Variants in HMGN1 observed in about 807,000 individuals in gnomAD.
HMGN1 encodes the protein high mobility group nucleosome binding domain 1.
Under a neutral mutation model 18.4 loss-of-function variants are expected in HMGN1, and 9 were observed. The observed-to-expected ratio is 0.49, with a 90% CI of 0.29 to 0.85. The LOEUF is 0.85. Among genes scored for constraint, HMGN1 ranks in the 40% least tolerant of loss-of-function variants. The pLI is 0.07. For missense variants in HMGN1, 151 were observed against 119.2 expected (o/e 1.27, Z -1.24); for synonymous variants, 59 against 45.0 (o/e 1.31, Z -1.24).
intron 4 of HMGN1, 57 bp from the exon 5 acceptor site, chr21:39,345,331 G>C (rs1257910144): frequency 6.4e-7 from 1 of 1,554,210 alleles, no homozygotes; most frequent in Non-Finnish European, 8.8e-7. Context: ...TTTACATTTT[G>C]TTTTACTTTT....
At chr21:39,348,005 C>G in intron 4 of HMGN1, 1 of 1,201,560 alleles carries the variant, frequency 8.3e-7, no homozygotes, top group Non-Finnish European at 1.1e-6. Flanking sequence ...CAAGCACCAG[C>G]CACAATGTAC....
chr21:39,348,620 C>T (rs2037153831), intron 1 of HMGN1, 43 bp from the exon 2 acceptor site: 1 of 1,539,032 alleles, frequency 6.5e-7, no homozygotes, highest in Non-Finnish European at 8.7e-7. Context: ...GCCGCAGTCC[C>T]AGGACTCGCG....
Position 39,343,108 on chromosome 21 carries a change from G to A in HMGN1, c.*4C>T, listed in dbSNP as rs754401175. 3.3e-6 allele frequency: 5 copies of A among 1,533,826 alleles called. No homozygotes were observed. In the East Asian group the frequency reaches 1.1e-4, roughly 35 times the overall value. ...GACCACTGATAAGACATGGTATATGGTTATTAATCAGACTTGGCTTCTTTC... is the reference window on the plus strand; with the variant it reads ...GACCACTGATAAGACATGGTATATGATTATTAATCAGACTTGGCTTCTTTC... On this transcript the variant is annotated 3_prime_UTR_variant, in exon 6 of 6. Transcript: ENST00000380749.
intron 4 of HMGN1, chr21:39,347,809 G>T: frequency 2.8e-6 from 1 of 351,440 alleles, no homozygotes; most frequent in South Asian, 4.3e-5. Context: ...CAGAGTAGTG[G>T]CGGTTATTTT....
chr21:39,343,398 C>T (rs2036932468), intron 5 of HMGN1, among the ~76,000 whole-genome samples: 2 of 152,306 alleles, frequency 1.3e-5, no homozygotes, highest in South Asian at 2.1e-4. Flanking sequence ...ATCACATGTA[C>T]ACTCCAAGCT....
At chr21:39,347,229 A>C (rs1307195071) in intron 4 of HMGN1, 1 of 547,722 alleles carries the variant, frequency 1.8e-6, no homozygotes, top group African/African-American at 2.0e-5. Flanking sequence ...TTAAAGTTGA[A>C]AAATACTATT....
intron 4 of HMGN1, chr21:39,347,372 T>C (rs1323962418): frequency 2.6e-6 from 3 of 1,153,622 alleles, no homozygotes; most frequent in Non-Finnish European, 3.4e-6. Flanking sequence ...ACATCTTTGT[T>C]TTATACCTTT....
chr21:39,347,356 G>A (rs1014846819), intron 4 of HMGN1: 49 of 1,077,644 alleles, frequency 4.5e-5, no homozygotes, highest in Non-Finnish European at 9.5e-6. Context: ...AATTAAAAAA[G>A]AAAAAACATC....
At chr21:39,347,351 AAAAAG>A (rs1415878810) in intron 4 of HMGN1, 2 of 1,074,982 alleles carry the variant, frequency 1.9e-6, no homozygotes, top group Non-Finnish European at 2.4e-6. Flanking sequence ...ATTTAAATTA[AAAAAG>A]AAAAAACATC....
Position 39,348,589 on chromosome 21 carries a change from G to T in HMGN1, c.16-12C>A. On this transcript the variant is annotated splice_polypyrimidine_tract_variant and intron_variant, in intron 1 of 5. Transcript: ENST00000380749. ...TCGGCGGAGCTGACCTGCGGAGACGGAGACGCACGAATAGAGGCGGGCCGC... is the reference window on the plus strand; with the variant it reads ...TCGGCGGAGCTGACCTGCGGAGACGTAGACGCACGAATAGAGGCGGGCCGC... 1 of 1,592,256 alleles carries T rather than the reference G, an allele frequency of 6.3e-7. No individual in the cohort carries two copies. The highest frequency in any genetic ancestry group is 2.3e-5 in the East Asian group (1 of 43,698).
intron 1 of HMGN1, 29 bp downstream of exon 1, chr21:39,348,874 G>A (rs1156315743): frequency 2.1e-5 from 24 of 1,119,124 alleles, no homozygotes; most frequent in Non-Finnish European, 2.6e-5. Flanking sequence ...GGCTCCAGGG[G>A]GCGTGTGCGG....
At chr21:39,345,505 A>T (rs2037020217) in intron 4 of HMGN1, 2 of 565,674 alleles carry the variant, frequency 3.5e-6, no homozygotes, top group Non-Finnish European at 6.3e-6. Flanking sequence ...ATTAATGTCT[A>T]TCACACATCA....
chr21:39,347,253 T>A, intron 4 of HMGN1: 1 of 765,228 alleles, frequency 1.3e-6, no homozygotes, highest in Non-Finnish European at 1.7e-6. Flanking sequence ...ATACCTTCCG[T>A]GAAGCTTTAT....
rs1425799761 is a variant in HMGN1 at position 39,342,370 on chromosome 21, T to C, written c.*742A>G. ...GGATCAGTACAGACATTTCAATTTG[T>C]ACACAAATCTTAACATACGTAACGA... On this transcript the variant is annotated 3_prime_UTR_variant, in exon 6 of 6. Transcript: ENST00000380749. 1 of 179,678 alleles carries C rather than the reference T, an allele frequency of 5.6e-6. No homozygotes were observed. The highest frequency in any genetic ancestry group is 1.2e-5 in the Non-Finnish European group (1 of 84,170). 11.1% of individuals were successfully genotyped at this position (179,678 alleles called of 1,614,324 possible).
intron 4 of HMGN1, chr21:39,345,675 C>T (rs1177799201): frequency 8.8e-6 from 4 of 454,892 alleles, no homozygotes; most frequent in Non-Finnish European, 1.6e-5. Context: ...CGCCATCATC[C>T]ACTATTCCCT....
At chr21:39,346,888 C>T (rs1027533512) in intron 4 of HMGN1, 1 of 152,152 alleles carries the variant, frequency 6.6e-6, no homozygotes, top group Non-Finnish European at 1.5e-5. Context: ...TACCTGTTGG[C>T]CTCTCAATTA....
rs766794005 is a variant in HMGN1, at chr21:39,345,234, C to T, written c.167G>A (p.Arg56Lys). ...SDKKVQTKGK[R>K]GAKGKQAEVA... The stretch of plus-strand genomic sequence containing the variant: ...TTCGGCCTGTTTTCCCTTTGCTCCC[C>T]TTTTCCCTTTTGTTTGCACTTTTTT... The change falls in exon 5 of 6, where the codon AGG becomes AAG. Residue 56 changes from arginine (R) to lysine (K), a missense_variant. By Grantham distance (26) the Arg-to-Lys change is conservative (BLOSUM62 2). Transcript: ENST00000380749. The T allele has an allele frequency of 3.7e-6, 6 of 1,613,824 alleles. No individual in the cohort carries two copies. Among genetic ancestry groups the T allele is most frequent in the East Asian group, 2.2e-5 (1 of 44,878 alleles).
intron 1 of HMGN1, 92 bp downstream of exon 1, chr21:39,348,810 AC>A (rs2037164269): frequency 1.9e-6 from 2 of 1,070,198 alleles, no homozygotes; most frequent in South Asian, 2.9e-5. Flanking sequence ...GCCCGTCGCC[AC>A]CGTGGGTGCA....
chr21:39,343,996 T>C (rs1315142828), intron 5 of HMGN1, among the ~76,000 whole-genome samples: 1 of 152,204 alleles, frequency 6.6e-6, no homozygotes, highest in Non-Finnish European at 1.5e-5. Context: ...GGCTCACACC[T>C]GTAATACCAG....
Sources: gnomAD v4.1 joint callset for allele counts (sites outside exome capture counted in the v4.1 genomes callset) on GRCh38, gnomAD v4.1.1 for gene constraint, MANE v1.5 for transcripts, NCBI Gene and HGNC (gene_info 2026-07-23, HGNC 2026-07-21) for gene names.